CYTH1: variants seen among roughly 807,000 people sequenced by gnomAD.
CYTH1 encodes the protein cytohesin 1.
Under a neutral mutation model 61.8 loss-of-function variants are expected in CYTH1, and 18 were observed. That is an observed-to-expected ratio of 0.29 (90% CI 0.20 to 0.43). The LOEUF (loss-of-function observed/expected upper bound fraction) is 0.43, where lower values mean the gene tolerates loss of function less well. CYTH1 is among the 20% of genes least tolerant of loss of function. The pLI, the probability that CYTH1 is intolerant of heterozygous loss-of-function variation, is 1.00. For missense variants in CYTH1, 336 were observed against 510.5 expected, an observed-to-expected ratio of 0.66 and a Z score of 3.29; for synonymous variants, 174 against 184.3, an observed-to-expected ratio of 0.94 and a Z score of 0.45.
chr17:78,766,124 T>C (rs2093447837), intron 1 of CYTH1, among the ~76,000 whole-genome samples: 1 of 138,298 alleles, frequency 7.2e-6, no homozygotes, highest in Non-Finnish European at 1.6e-5. Flanking sequence ...GCCCCTCCTC[T>C]AGCAGGAGAC....
chr17:78,752,579 C>T (rs868295656), intron 1 of CYTH1, among the ~76,000 whole-genome samples: 4 of 152,012 alleles, frequency 2.6e-5, no homozygotes, highest in Non-Finnish European at 4.4e-5. Flanking sequence ...ACTACAGGTG[C>T]GCGCCACCAC....
chr17:78,747,459 G>C (rs1378626685), intron 1 of CYTH1, among the ~76,000 whole-genome samples: 3 of 152,134 alleles, frequency 2.0e-5, no homozygotes, highest in African/African-American at 7.2e-5. Flanking sequence ...GACATTTTTA[G>C]AGAATACTAT....
chr17:78,694,567 G>C (rs2092920052), intron 10 of CYTH1, among the ~76,000 whole-genome samples: 1 of 152,174 alleles, frequency 6.6e-6, no homozygotes, highest in African/African-American at 2.4e-5. Flanking sequence ...CACCAATTCA[G>C]AGTCTGAGAA....
At chr17:78,767,391 G>GT (rs1433350571) in intron 1 of CYTH1, among the ~76,000 whole-genome samples, 1 of 152,112 alleles carries the variant, frequency 6.6e-6, no homozygotes, top group Non-Finnish European at 1.5e-5. Context: ...GCATTTGTTG[G>GT]TATTTCCACC....
At chr17:78,770,158 AAAG>A (rs1403258495) in intron 1 of CYTH1, among the ~76,000 whole-genome samples, 1 of 151,326 alleles carries the variant, frequency 6.6e-6, no homozygotes, top group Non-Finnish European at 1.5e-5. Context: ...CAAAAAAAAA[AAAG>A]AAAAATACAA....
At chr17:78,713,185 T>C (rs2093151440) in intron 1 of CYTH1, among the ~76,000 whole-genome samples, 1 of 151,950 alleles carries the variant, frequency 6.6e-6, no homozygotes, top group South Asian at 2.1e-4. Flanking sequence ...CAACATCAAC[T>C]CTACTGATGC....
intron 1 of CYTH1, among the ~76,000 whole-genome samples, chr17:78,771,611 A>G (rs2093471544): frequency 6.6e-6 from 1 of 151,990 alleles, no homozygotes; most frequent in African/African-American, 2.4e-5. Flanking sequence ...TGCACCTGTA[A>G]TCCCAGCTAC....
chr17:78,756,230 C>T (rs992727404), intron 1 of CYTH1, among the ~76,000 whole-genome samples: 2 of 151,874 alleles, frequency 1.3e-5, no homozygotes, highest in African/African-American at 4.8e-5. Flanking sequence ...CGCCCACCAC[C>T]ACACCCAGCT....
At chr17:78,706,032 G>A (rs1567847090) in intron 3 of CYTH1, among the ~76,000 whole-genome samples, 1 of 152,166 alleles carries the variant, frequency 6.6e-6, no homozygotes, top group South Asian at 2.1e-4. Context: ...AAGTGTTTAT[G>A]AGAAATTTGT....
chr17:78,763,859 C>T (rs2093438154), intron 1 of CYTH1, among the ~76,000 whole-genome samples: 1 of 152,170 alleles, frequency 6.6e-6, no homozygotes, highest in Non-Finnish European at 1.5e-5. Flanking sequence ...GCCTGTAATC[C>T]CAACACTTTG....
chr17:78,750,604 G>A (rs988542274), intron 1 of CYTH1, among the ~76,000 whole-genome samples: 3 of 152,040 alleles, frequency 2.0e-5, no homozygotes, highest in Admixed American at 6.6e-5. Flanking sequence ...GTCAGAGTTC[G>A]AGACCAGCCT....
At chr17:78,779,766 C>T (rs1209141943) in intron 1 of CYTH1, among the ~76,000 whole-genome samples, 1 of 152,222 alleles carries the variant, frequency 6.6e-6, no homozygotes, top group East Asian at 1.9e-4. Context: ...AATGGGTTCT[C>T]CCCTGAGCCT....
chr17:78,687,425 C>T (rs2092828037), intron 11 of CYTH1, among the ~76,000 whole-genome samples: 1 of 152,212 alleles, frequency 6.6e-6, no homozygotes, highest in Non-Finnish European at 1.5e-5. Context: ...GAAGTTGTCT[C>T]AAACGTACTT....
intron 1 of CYTH1, among the ~76,000 whole-genome samples, chr17:78,769,908 T>C (rs2093463684): frequency 6.6e-6 from 1 of 151,892 alleles, no homozygotes; most frequent in South Asian, 2.1e-4. Context: ...TCCCAGCACT[T>C]TGGGAGGCCG....
At position 78,699,166 on chromosome 17, in the gene CYTH1, C is replaced by T. The variant is rs144555807; in HGVS notation, c.551-198G>A. ...CAGATCATGAGGTCAGGAGTTCAAG[C>T]CTAGCCTGACCCACATGGTGAAAAC... is the stretch of plus-strand genomic sequence containing the variant. On this transcript the variant is annotated intron_variant, in intron 7 of 13. Coordinates refer to ENST00000446868, the MANE Select transcript of CYTH1 (RefSeq NM_004762.6). 2.2e-3 allele frequency among the ~76,000 whole-genome samples: 333 copies of T among 152,132 alleles called. 2 individuals carry two copies. The highest frequency in any genetic ancestry group is 7.5e-3 in the African/African-American group (310 of 41,502).
intron 1 of CYTH1, among the ~76,000 whole-genome samples, chr17:78,764,198 C>CT (rs534021959): frequency 0.062 from 8,697 of 140,450 alleles, 507 homozygotes; most frequent in South Asian, 0.15. Flanking sequence ...ATCTAAATGT[C>CT]TTTTTTTTTT....
intron 2 of CYTH1, 88 bp from the exon 3 acceptor site, chr17:78,708,349 A>T: frequency 8.0e-7 from 1 of 1,245,978 alleles, no homozygotes; most frequent in Non-Finnish European, 1.1e-6. Flanking sequence ...CCCTCCAACC[A>T]AAAACAAAAT....
At chr17:78,681,064 G>A (rs890563437) in intron 11 of CYTH1, 22 bp from the exon 12 acceptor site, 13 of 1,609,662 alleles carry the variant, frequency 8.1e-6, no homozygotes, top group Non-Finnish European at 1.0e-5. Context: ...TTGAAGAGAG[G>A]AAGTTTAAGA....
chr17:78,711,305 AT>A (rs1360994320), intron 1 of CYTH1, among the ~76,000 whole-genome samples: 49 of 37,622 alleles, frequency 1.3e-3, no homozygotes, highest in African/African-American at 3.5e-3. Flanking sequence ...AATAAATAAT[AT>A]ATATATATAC....
Sources: allele counts gnomAD v4.1 joint callset (sites outside exome capture counted in the v4.1 genomes callset), GRCh38; gene constraint gnomAD v4.1.1; transcripts MANE v1.5; gene names NCBI Gene and HGNC (gene_info 2026-07-23, HGNC 2026-07-21).